Variants in PPP1R9A observed in about 807,000 individuals in gnomAD.
The protein encoded by PPP1R9A is protein phosphatase 1 regulatory subunit 9A, also known as neurabin-1.
PPP1R9A carries 59 observed loss-of-function variants against 141.9 expected under a neutral mutation model. That is an observed-to-expected ratio of 0.42 (90% confidence interval 0.34 to 0.52). The LOEUF (loss-of-function observed/expected upper bound fraction) is 0.52. PPP1R9A is among the 20% of genes least tolerant of loss of function. The pLI is 0.10. For missense variants in PPP1R9A, 1,444 were observed against 1,611.9 expected (o/e 0.90, Z 1.78); for synonymous variants, 500 against 569.7 (o/e 0.88, Z 1.74).
chr7:95,058,206 A>G (rs1343079539), intron 2 of PPP1R9A, among the ~76,000 whole-genome samples: 2 of 152,238 alleles, frequency 1.3e-5, no homozygotes, highest in South Asian at 2.1e-4. Flanking sequence ...AGTTGAATTT[A>G]TAAGTAAAAA....
intron 2 of PPP1R9A, among the ~76,000 whole-genome samples, chr7:94,992,918 C>T (rs1390401193): frequency 6.6e-6 from 1 of 151,920 alleles, no homozygotes; most frequent in East Asian, 1.9e-4. Context: ...GTTTTTCTTT[C>T]ATGGATCATC....
rs1458305417 is a variant in PPP1R9A at position 95,225,850 on chromosome 7, AC to A, written c.1957-110del. Reference sequence around the variant, plus strand: ...ATGCTTGGCTGAAAAACCTACTTACACTTTTACCATTTGGGTACATGTCTTA... The same window carrying A: ...ATGCTTGGCTGAAAAACCTACTTACATTTTACCATTTGGGTACATGTCTTA... On this transcript the variant is annotated intron_variant, in intron 7 of 19. Transcript: ENST00000433360. The A allele has an allele frequency of 1.0e-5, 12 of 1,166,818 alleles. No individual in the cohort carries two copies. In the Admixed American group the frequency reaches 3.2e-4, roughly 31 times the overall value. 72.3% of individuals were successfully genotyped at this position (1,166,818 alleles called of 1,614,324 possible). A position where few individuals can be genotyped will look rare whatever the true frequency, so the allele number is the denominator to read the frequency against.
chr7:95,016,204 A>G (rs1232744654), intron 2 of PPP1R9A, among the ~76,000 whole-genome samples: 1 of 152,146 alleles, frequency 6.6e-6, no homozygotes, highest in Non-Finnish European at 1.5e-5. Context: ...TCTCATTGGA[A>G]ATCATGGGGG....
intron 16 of PPP1R9A, 75 bp from the exon 17 acceptor site, chr7:95,283,943 T>G: frequency 7.9e-7 from 1 of 1,262,190 alleles, no homozygotes; most frequent in Non-Finnish European, 1.1e-6. Context: ...CAAACTATAT[T>G]CAGAGTCCTT....
chr7:94,944,830 A>G (rs928970659), intron 2 of PPP1R9A, among the ~76,000 whole-genome samples: 1 of 152,068 alleles, frequency 6.6e-6, no homozygotes, highest in Non-Finnish European at 1.5e-5. Flanking sequence ...TTTCAGATGT[A>G]TATGGAAAGT....
intron 2 of PPP1R9A, among the ~76,000 whole-genome samples, chr7:94,921,291 A>G (rs1792778281): frequency 6.6e-6 from 1 of 151,852 alleles, no homozygotes; most frequent in Non-Finnish European, 1.5e-5. Context: ...CTAAAAATAC[A>G]AAAAAATTAG....
At chr7:94,985,453 AGTGTAAGTCTC>A (rs1156961265) in intron 2 of PPP1R9A, among the ~76,000 whole-genome samples, 1 of 152,078 alleles carries the variant, frequency 6.6e-6, no homozygotes, top group Non-Finnish European at 1.5e-5. Context: ...ATTGTGTGGG[AGTGTAAGTCTC>A]TTTTTAGATC....
intron 12 of PPP1R9A, among the ~76,000 whole-genome samples, chr7:95,261,545 A>C (rs1448818636): frequency 6.6e-6 from 1 of 152,146 alleles, no homozygotes; most frequent in Non-Finnish European, 1.5e-5. Context: ...AACATTGAAA[A>C]GGTCATTCAG....
chr7:95,209,714 A>C (rs1178061284), intron 7 of PPP1R9A, among the ~76,000 whole-genome samples: 1 of 152,088 alleles, frequency 6.6e-6, no homozygotes, highest in Non-Finnish European at 1.5e-5. Flanking sequence ...AAATTCTGTA[A>C]CTGTAATTTC....
Position 95,107,507 on chromosome 7 carries a change from A to G in PPP1R9A, c.1396-3752A>G, listed in dbSNP as rs1481580083. The stretch of plus-strand genomic sequence containing the variant: ...AATTTTCTTTTGGCACTTTTTATAT[A>G]TGTATATATTTTTGTTCTGAATTGT... On this transcript the variant is annotated intron_variant, in intron 2 of 19. Coordinates refer to ENST00000433360, the MANE Select transcript of PPP1R9A (RefSeq NM_001166160.2). Among the ~76,000 whole-genome samples, 6 of 152,036 alleles carry G rather than the reference A, an allele frequency of 3.9e-5. No homozygotes were observed. The East Asian group carries it at 7.7e-4, about 19-fold the overall frequency.
intron 2 of PPP1R9A, among the ~76,000 whole-genome samples, chr7:94,943,575 TA>T (rs1304109618): frequency 2.0e-5 from 3 of 151,992 alleles, no homozygotes; most frequent in Non-Finnish European, 4.4e-5. Context: ...GCAAATTTTA[TA>T]GCTGTCTAAA....
intron 2 of PPP1R9A, among the ~76,000 whole-genome samples, chr7:95,083,007 G>T (rs538790910): frequency 6.6e-6 from 1 of 151,686 alleles, no homozygotes; most frequent in Non-Finnish European, 1.5e-5. Flanking sequence ...CGCCCACCTC[G>T]GCCTCCCAAA....
intron 2 of PPP1R9A, among the ~76,000 whole-genome samples, chr7:95,097,062 T>C (rs1460334663): frequency 6.6e-6 from 1 of 152,144 alleles, no homozygotes; most frequent in African/African-American, 2.4e-5. Flanking sequence ...TTTTTTTTCC[T>C]GTCACCCAGT....
chr7:95,114,141 A>C (rs1821057068), intron 3 of PPP1R9A, among the ~76,000 whole-genome samples: 3 of 152,202 alleles, frequency 2.0e-5, no homozygotes, highest in Admixed American at 2.0e-4. Context: ...GAAAGGGTCT[A>C]TAAATTGTAG....
chr7:94,933,694 G>A (rs1794436538), intron 2 of PPP1R9A, among the ~76,000 whole-genome samples: 1 of 152,108 alleles, frequency 6.6e-6, no homozygotes, highest in Non-Finnish European at 1.5e-5. Context: ...CTTTATTTAT[G>A]CTAATTAACT....
chr7:95,026,580 C>T, intron 2 of PPP1R9A, among the ~76,000 whole-genome samples: 1 of 152,194 alleles, frequency 6.6e-6, no homozygotes, highest in East Asian at 1.9e-4. Flanking sequence ...AGGAGGTGGT[C>T]TAGTCTGACC....
Position 95,237,203 on chromosome 7 carries a change from GT to G in PPP1R9A, c.2113-10260del, listed in dbSNP as rs1167387469. 2.9e-3 allele frequency among the ~76,000 whole-genome samples: 404 copies of G among 137,878 alleles called. 2 individuals carry two copies. Among genetic ancestry groups the G allele is most frequent in the African/African-American group, 9.0e-3 (341 of 37,772 alleles). The allele number at this position is 137,878 out of a possible 152,430, so 90.5% of individuals were successfully genotyped here. On this transcript the variant is annotated intron_variant, in intron 8 of 19. Transcript: ENST00000433360. ...TATTTTTTTTTTTTTATGGTTTTTT[GT>G]TTTTTTTTTGAGATGGAGTCTCACT...
intron 8 of PPP1R9A, among the ~76,000 whole-genome samples, chr7:95,240,035 C>A (rs531583542): frequency 6.6e-6 from 1 of 152,074 alleles, no homozygotes; most frequent in African/African-American, 2.4e-5. Context: ...AGAATAATTT[C>A]TTCATTCTTA....
chr7:94,950,927 T>G (rs1796399008), intron 2 of PPP1R9A, among the ~76,000 whole-genome samples: 1 of 152,104 alleles, frequency 6.6e-6, no homozygotes, highest in South Asian at 2.1e-4. Context: ...TTTGTACTTT[T>G]GGTAGAGATG....
Sources: allele counts gnomAD v4.1 joint callset (sites outside exome capture counted in the v4.1 genomes callset), GRCh38; gene constraint gnomAD v4.1.1; transcripts MANE v1.5; gene names NCBI Gene and HGNC (gene_info 2026-07-23, HGNC 2026-07-21).